RAD51B: variants seen among roughly 807,000 people sequenced by gnomAD.
RAD51B encodes the protein RAD51 paralog B.
In RAD51B, 38 loss-of-function variants were observed where a neutral mutation model predicts 42.2. The observed-to-expected ratio is 0.90, with a 90% CI of 0.70 to 1.18. The LOEUF (loss-of-function observed/expected upper bound fraction) is 1.18, where lower values mean the gene tolerates loss of function less well. RAD51B is among the 50% of genes most tolerant of loss of function. The pLI, the probability that RAD51B is intolerant of heterozygous loss-of-function variation, is 0.00. For missense variants in RAD51B, 373 were observed against 400.7 expected (o/e 0.93, Z 0.59); for synonymous variants, 154 against 145.2 (o/e 1.06, Z -0.43).
chr14:68,090,943 C>T (rs2140517118), intron 7 of RAD51B, among the ~76,000 whole-genome samples: 2 of 146,062 alleles, frequency 1.4e-5, no homozygotes, highest in Middle Eastern at 3.6e-3. Context: ...TGAGTGAGAA[C>T]ATGCGGTGTT....
chr14:68,525,266 T>G (rs1201295934), intron 10 of RAD51B, among the ~76,000 whole-genome samples: 2 of 152,240 alleles, frequency 1.3e-5, no homozygotes, highest in Non-Finnish European at 2.9e-5. Flanking sequence ...CTCTAGAGCC[T>G]CTAGAAAGGA....
intron 4 of RAD51B, among the ~76,000 whole-genome samples, chr14:67,837,315 CTTAT>C (rs1306524059): frequency 2.7e-5 from 4 of 150,620 alleles, no homozygotes; most frequent in Non-Finnish European, 5.9e-5. Flanking sequence ...CATAAACTTA[CTTAT>C]TTAAATAGCA....
At chr14:67,823,914 A>G (rs2040720032) in intron 2 of RAD51B, among the ~76,000 whole-genome samples, 1 of 152,250 alleles carries the variant, frequency 6.6e-6, no homozygotes. Context: ...TAGGACTCAA[A>G]TGAGGAGATA....
At chr14:68,290,372 G>C (rs1042870061) in intron 7 of RAD51B, among the ~76,000 whole-genome samples, 1 of 152,158 alleles carries the variant, frequency 6.6e-6, no homozygotes, top group Non-Finnish European at 1.5e-5. Context: ...TATTCATTAT[G>C]TTATAATTTT....
intron 9 of RAD51B, among the ~76,000 whole-genome samples, chr14:68,428,630 C>T (rs945789111): frequency 1.3e-5 from 2 of 148,330 alleles, no homozygotes; most frequent in Non-Finnish European, 1.5e-5. Context: ...ATATAATATT[C>T]GTTTTCTATG....
At chr14:68,185,231 G>C (rs1363309148) in intron 7 of RAD51B, among the ~76,000 whole-genome samples, 1 of 152,182 alleles carries the variant, frequency 6.6e-6, no homozygotes, top group African/African-American at 2.4e-5. Context: ...AACAATGTAA[G>C]ACTGCGCATT....
At chr14:67,889,463 A>G (rs1015280805) in intron 7 of RAD51B, among the ~76,000 whole-genome samples, 3 of 149,730 alleles carry the variant, frequency 2.0e-5, no homozygotes, top group Non-Finnish European at 4.4e-5. Flanking sequence ...ATTGCTTGCT[A>G]TATATATAAG....
At chr14:68,201,452 G>C (rs1202901582) in intron 7 of RAD51B, among the ~76,000 whole-genome samples, 1 of 152,190 alleles carries the variant, frequency 6.6e-6, no homozygotes, top group Non-Finnish European at 1.5e-5. Flanking sequence ...CAATCAACTT[G>C]TGCTTTCATC....
chr14:68,049,384 A>G (rs1161659910), intron 7 of RAD51B, among the ~76,000 whole-genome samples: 1 of 152,176 alleles, frequency 6.6e-6, no homozygotes, highest in East Asian at 1.9e-4. Flanking sequence ...GTATAAAGTA[A>G]TAGAAATGAG....
chr14:68,095,456 A>G (rs1178209226), intron 7 of RAD51B, among the ~76,000 whole-genome samples: 2 of 151,920 alleles, frequency 1.3e-5, no homozygotes, highest in Admixed American at 1.3e-4. Flanking sequence ...CATGGTATTT[A>G]TGGGTATGAA....
intron 4 of RAD51B, 139 bp downstream of exon 4, chr14:67,835,335 C>T: frequency 1.5e-6 from 1 of 661,906 alleles, no homozygotes; most frequent in Non-Finnish European, 2.6e-6. Context: ...ATATGGTTCT[C>T]CACTCAGTAC....
At chr14:68,222,616 A>C (rs1004853424) in intron 7 of RAD51B, among the ~76,000 whole-genome samples, 4 of 152,136 alleles carry the variant, frequency 2.6e-5, no homozygotes, top group African/African-American at 7.2e-5. Flanking sequence ...TTCAGAAATC[A>C]CCACCAAGGA....
chr14:68,122,960 A>AACACAC (rs145099242), intron 7 of RAD51B, among the ~76,000 whole-genome samples: 38 of 150,134 alleles, frequency 2.5e-4, no homozygotes, highest in African/African-American at 8.8e-4. Context: ...GTATAAAACA[A>AACACAC]ACACACACAC....
intron 10 of RAD51B, among the ~76,000 whole-genome samples, chr14:68,498,929 T>C (rs570979136): frequency 6.6e-6 from 1 of 152,314 alleles, no homozygotes; most frequent in African/African-American, 2.4e-5. Context: ...GTCTTTCCTA[T>C]GACACATGGA....
chr14:68,564,679 C>T (rs914172242), intron 10 of RAD51B, among the ~76,000 whole-genome samples: 2 of 152,236 alleles, frequency 1.3e-5, no homozygotes, highest in Non-Finnish European at 2.9e-5. Flanking sequence ...AGGGCACCTT[C>T]CCAAGAGCCC....
chr14:68,219,659 C>T (rs1330563569), intron 7 of RAD51B, among the ~76,000 whole-genome samples: 1 of 152,098 alleles, frequency 6.6e-6, no homozygotes, highest in Non-Finnish European at 1.5e-5. Flanking sequence ...TAAGGGAGCA[C>T]CCCGTGTCCC....
chr14:68,075,214 G>A (rs1000508639), intron 7 of RAD51B, among the ~76,000 whole-genome samples: 1 of 152,166 alleles, frequency 6.6e-6, no homozygotes, highest in Non-Finnish European at 1.5e-5. Context: ...AAACAGAGGG[G>A]AGTGAGAGAT....
At chr14:68,144,929 C>T (rs1235627459) in intron 7 of RAD51B, among the ~76,000 whole-genome samples, 2 of 151,724 alleles carry the variant, frequency 1.3e-5, no homozygotes, top group Non-Finnish European at 2.9e-5. Flanking sequence ...CATTTTTTTC[C>T]ATTTCTGCCT....
At position 68,553,751 on chromosome 14, in the gene RAD51B, T is replaced by C. The variant is rs867991732; in HGVS notation, c.1037-40734T>C. Among the ~76,000 whole-genome samples, 8 of 152,126 alleles carry C rather than the reference T, an allele frequency of 5.3e-5. No individual in the cohort carries two copies. In the South Asian group the frequency reaches 1.7e-3, roughly 32 times the overall value. ...GGAGGGTGGGGATAGTAGGATCATC[T>C]CAGGTTTGGGAAATGGCCTGACAGA... On this transcript the variant is annotated intron_variant, in intron 10 of 10. Transcript: ENST00000487270.
Sources: gnomAD v4.1 joint callset for allele counts (sites outside exome capture counted in the v4.1 genomes callset) on GRCh38, gnomAD v4.1.1 for gene constraint, MANE v1.5 for transcripts, NCBI Gene and HGNC (gene_info 2026-07-23, HGNC 2026-07-21) for gene names.